SDK1: variants seen among roughly 807,000 people sequenced by gnomAD.
SDK1 encodes the protein protein sidekick-1.
SDK1 carries 157 observed loss-of-function variants against 245.5 expected under a neutral mutation model. That is an observed-to-expected ratio of 0.64 (90% CI 0.56 to 0.73). The LOEUF is 0.73. Among genes scored for constraint, SDK1 ranks in the 30% least tolerant of loss-of-function variants. SDK1 has a pLI of 0.00. For synonymous variants in SDK1, 1,647 were observed against 1,278.5 expected (o/e 1.29, Z -6.15); for missense variants, 3,583 against 3,002.3 (o/e 1.19, Z -4.52).
chr7:3,460,373 T>C (rs1176004265), intron 1 of SDK1, among the ~76,000 whole-genome samples: 1 of 152,176 alleles, frequency 6.6e-6, no homozygotes, highest in Non-Finnish European at 1.5e-5. Flanking sequence ...GGAATGTGAG[T>C]CAATATCTAT....
At chr7:3,869,728 G>A (rs1469383825) in intron 5 of SDK1, among the ~76,000 whole-genome samples, 1 of 152,198 alleles carries the variant, frequency 6.6e-6, no homozygotes, top group Non-Finnish European at 1.5e-5. Flanking sequence ...GACATTGAGA[G>A]ACACTGGCTC....
Position 3,533,298 on chromosome 7 carries a change from C to T in SDK1, c.299-85782C>T, listed in dbSNP as rs538945807. 3.9e-5 allele frequency among the ~76,000 whole-genome samples: 6 copies of T among 152,168 alleles called. No homozygotes were observed. The South Asian group carries it at 1.2e-3, about 32-fold the overall frequency. On this transcript the variant is annotated intron_variant, in intron 1 of 44. Transcript: ENST00000404826. ...TACTGACAAGGCTGAAGGATGTGAG[C>T]TCTACTAAGTGAATTGAAAAGTTGG...
At chr7:4,175,386 G>A (rs1308922891) in intron 33 of SDK1, among the ~76,000 whole-genome samples, 1 of 152,222 alleles carries the variant, frequency 6.6e-6, no homozygotes, top group Non-Finnish European at 1.5e-5. Flanking sequence ...TCCCTGAGGT[G>A]GTTTGCTCGG....
intron 1 of SDK1, among the ~76,000 whole-genome samples, chr7:3,472,434 A>G (rs1008553734): frequency 2.7e-4 from 41 of 152,330 alleles, no homozygotes; most frequent in African/African-American, 9.6e-4. Flanking sequence ...CGATCTAATT[A>G]GAGGGACAAG....
chr7:3,828,180 A>T (rs1158885103), intron 5 of SDK1, among the ~76,000 whole-genome samples: 1 of 152,136 alleles, frequency 6.6e-6, no homozygotes, highest in Non-Finnish European at 1.5e-5. Flanking sequence ...CAGGAGGCTG[A>T]GGCAGGAAAA....
chr7:3,503,409 G>T (rs1021757578), intron 1 of SDK1, among the ~76,000 whole-genome samples: 2 of 152,166 alleles, frequency 1.3e-5, no homozygotes, highest in Non-Finnish European at 2.9e-5. Flanking sequence ...GTGGGGTGTG[G>T]TGGCTCATGC....
intron 1 of SDK1, among the ~76,000 whole-genome samples, chr7:3,435,191 T>G (rs889647483): frequency 6.6e-6 from 1 of 151,722 alleles, no homozygotes; most frequent in African/African-American, 2.4e-5. Context: ...CTTTTTCTCA[T>G]TATTTATGGA....
At chr7:3,872,740 C>CT (rs772583348) in intron 5 of SDK1, among the ~76,000 whole-genome samples, 7 of 151,786 alleles carry the variant, frequency 4.6e-5, no homozygotes, top group East Asian at 3.9e-4. Context: ...GATTTAATGC[C>CT]TTTTTTCTGA....
At chr7:3,901,475 G>A (rs1419491383) in intron 5 of SDK1, among the ~76,000 whole-genome samples, 3 of 152,146 alleles carry the variant, frequency 2.0e-5, no homozygotes, top group African/African-American at 7.2e-5. Flanking sequence ...TATGAGCCAA[G>A]TTAACTATCG....
chr7:3,446,491 A>G (rs1312746234), intron 1 of SDK1, among the ~76,000 whole-genome samples: 3 of 152,206 alleles, frequency 2.0e-5, no homozygotes, highest in East Asian at 3.9e-4. Flanking sequence ...CCTTTCTTTG[A>G]CTTTGAGTAG....
chr7:3,607,951 G>T lies in SDK1; in HGVS notation c.299-11129G>T, dbSNP rs1185668439. Among the ~76,000 whole-genome samples the T allele has an allele frequency of 2.0e-5, 3 of 152,246 alleles. No individual in the cohort carries two copies. In the East Asian group the frequency reaches 5.8e-4, roughly 29 times the overall value. Reference sequence around the variant, plus strand: ...GGCAGACCCTGAGCCCCTTTGCAGGGGGCGGCCACAAGGCCAAAATCATTT... The same window carrying T: ...GGCAGACCCTGAGCCCCTTTGCAGGTGGCGGCCACAAGGCCAAAATCATTT... On this transcript the variant is annotated intron_variant, in intron 1 of 44. Coordinates refer to ENST00000404826, the MANE Select transcript of SDK1 (RefSeq NM_152744.4).
At chr7:3,373,050 T>C (rs891275203) in intron 1 of SDK1, among the ~76,000 whole-genome samples, 1 of 152,258 alleles carries the variant, frequency 6.6e-6, no homozygotes, top group Admixed American at 6.5e-5. Context: ...TTAAGAATTA[T>C]TGCTTAGTAT....
intron 1 of SDK1, among the ~76,000 whole-genome samples, chr7:3,583,014 C>G (rs1260203494): frequency 6.6e-6 from 1 of 152,172 alleles, no homozygotes; most frequent in Admixed American, 6.5e-5. Context: ...CCAAGTCCTT[C>G]CTTCTGTGAC....
At chr7:4,050,558 C>A (rs1207141021) in intron 18 of SDK1, among the ~76,000 whole-genome samples, 1 of 152,164 alleles carries the variant, frequency 6.6e-6, no homozygotes, top group East Asian at 1.9e-4. Flanking sequence ...ATGTTTGGTG[C>A]CAAAGGAATT....
At chr7:3,978,247 G>C (rs1265420256) in intron 13 of SDK1, among the ~76,000 whole-genome samples, 4 of 152,160 alleles carry the variant, frequency 2.6e-5, no homozygotes, top group African/African-American at 9.7e-5. Context: ...GACTCTGTCA[G>C]CAGAAGCCAA....
At chr7:3,382,910 A>G (rs190279552) in intron 1 of SDK1, among the ~76,000 whole-genome samples, 57 of 152,102 alleles carry the variant, frequency 3.7e-4, no homozygotes, top group African/African-American at 1.2e-3. Context: ...TGATCAACAT[A>G]TATTCTCTTC....
Position 3,518,964 on chromosome 7 carries a change from T to TA in SDK1, c.299-100105dup, listed in dbSNP as rs58952334. Among the ~76,000 whole-genome samples, 664 of 144,740 alleles carry TA rather than the reference T, an allele frequency of 4.6e-3. 3 individuals are homozygous for TA. Among genetic ancestry groups the TA allele is most frequent in the Middle Eastern group, 0.018 (5 of 284 alleles). 95.0% of individuals were successfully genotyped at this position (144,740 alleles called of 152,430 possible). ...TGCAATGGAATACGCTATTCAGCCA[T>TA]AAAAAAAAAAAGGAAGTCCTGTCAT... On this transcript the variant is annotated intron_variant, in intron 1 of 44. Transcript: ENST00000404826.
chr7:4,051,527 T>C (rs1392777449), intron 18 of SDK1, 111 bp from the exon 19 acceptor site: 2 of 925,388 alleles, frequency 2.2e-6, no homozygotes, highest in East Asian at 5.5e-5. Context: ...TTATGGACTT[T>C]CTTAATTATG....
intron 1 of SDK1, among the ~76,000 whole-genome samples, chr7:3,608,143 C>T (rs1781479770): frequency 6.6e-6 from 1 of 152,152 alleles, no homozygotes; most frequent in African/African-American, 2.4e-5. Context: ...TGAGTAAAAA[C>T]CAAAATCTAG....
Sources: gnomAD v4.1 joint callset for allele counts (sites outside exome capture counted in the v4.1 genomes callset) on GRCh38, gnomAD v4.1.1 for gene constraint, MANE v1.5 for transcripts, NCBI Gene and HGNC (gene_info 2026-07-23, HGNC 2026-07-21) for gene names.